The following NDST4 variants were observed in gnomAD, a reference collection of about 807,000 sequenced individuals.
The protein encoded by NDST4 is N-deacetylase and N-sulfotransferase 4.
Under a neutral mutation model 100.8 loss-of-function variants are expected in NDST4, and 63 were observed. That is an observed-to-expected ratio of 0.62 (90% CI 0.51 to 0.77). The LOEUF is 0.77. Among genes scored for constraint, NDST4 ranks in the 30% least tolerant of loss-of-function variants. The pLI is 0.00. For missense variants in NDST4, 943 were observed against 1,018.4 expected (o/e 0.93, Z 1.01); for synonymous variants, 377 against 361.8 (o/e 1.04, Z -0.48).
chr4:115,060,633 T>A (rs1318529681), intron 2 of NDST4, among the ~76,000 whole-genome samples: 2 of 151,990 alleles, frequency 1.3e-5, no homozygotes, highest in East Asian at 3.9e-4. Flanking sequence ...ATGGTCCACC[T>A]TAGGTATATG....
chr4:115,043,089 T>A (rs577002123), intron 2 of NDST4, among the ~76,000 whole-genome samples: 44 of 152,174 alleles, frequency 2.9e-4, no homozygotes, highest in African/African-American at 9.1e-4. Flanking sequence ...TGAAAAACAG[T>A]CTACTCTCAG....
Position 115,077,147 on chromosome 4 carries a change from T to C in NDST4, c.-111A>G. The C allele has an allele frequency of 9.8e-7, 1 of 1,016,352 alleles. No homozygotes were observed. The highest frequency in any genetic ancestry group is 1.4e-6 in the Non-Finnish European group (1 of 714,604). 63.0% of individuals were successfully genotyped at this position (1,016,352 alleles called of 1,614,324 possible). Reference sequence around the variant, plus strand: ...CACTTCCCCAGAGTTCATGTAACCATCGCAAATCATGTAAAATGTTTGAAG... The same window carrying C: ...CACTTCCCCAGAGTTCATGTAACCACCGCAAATCATGTAAAATGTTTGAAG... On this transcript the variant is annotated 5_prime_UTR_variant, in exon 2 of 14. An upstream start codon of the reference 5' UTR is lost. Coordinates refer to ENST00000264363, the MANE Select transcript of NDST4 (RefSeq NM_022569.3).
rs1022955116 is a variant in NDST4, at chr4:115,054,112, T to G, written c.978+21947A>C. On this transcript the variant is annotated intron_variant, in intron 2 of 13. Coordinates refer to ENST00000264363, the MANE Select transcript of NDST4 (RefSeq NM_022569.3). ...TTAAAGTTTTAAAATTTTGTAATATTTAATAATAAATATTTACAATATTTA... is the reference window on the plus strand; with the variant it reads ...TTAAAGTTTTAAAATTTTGTAATATGTAATAATAAATATTTACAATATTTA... Among the ~76,000 whole-genome samples the G allele has an allele frequency of 1.2e-4, 18 of 151,800 alleles. 1 individual carries two copies. The highest frequency in any genetic ancestry group is 1.2e-3 in the Admixed American group (18 of 15,228).
At chr4:115,003,382 A>G (rs951666745) in intron 2 of NDST4, among the ~76,000 whole-genome samples, 2 of 152,282 alleles carry the variant, frequency 1.3e-5, no homozygotes, top group Non-Finnish European at 2.9e-5. Context: ...CAAGAAATGC[A>G]TGGAAATCAA....
intron 6 of NDST4, among the ~76,000 whole-genome samples, chr4:114,930,905 G>A (rs996171074): frequency 6.6e-6 from 1 of 151,884 alleles, no homozygotes; most frequent in African/African-American, 2.4e-5. Flanking sequence ...ACACACAAAA[G>A]GGTCAAGTTC....
chr4:114,947,000 A>T (rs1725881274), intron 4 of NDST4, among the ~76,000 whole-genome samples: 2 of 152,128 alleles, frequency 1.3e-5, no homozygotes, highest in Admixed American at 6.6e-5. Context: ...CATTGAAATA[A>T]GAAACAAGAT....
At chr4:114,937,293 A>G in intron 5 of NDST4, 25 bp downstream of exon 5, 1 of 1,612,096 alleles carries the variant, frequency 6.2e-7, no homozygotes. Context: ...AACATCCTTC[A>G]ATATACATGG....
intron 2 of NDST4, among the ~76,000 whole-genome samples, chr4:115,044,249 G>A (rs1285031644): frequency 1.3e-5 from 2 of 151,942 alleles, no homozygotes; most frequent in Admixed American, 6.6e-5. Flanking sequence ...CTAAGATCTG[G>A]AATAAATTAC....
chr4:114,902,622 G>A (rs777937128), intron 6 of NDST4, among the ~76,000 whole-genome samples: 5 of 151,782 alleles, frequency 3.3e-5, no homozygotes, highest in African/African-American at 4.8e-5. Flanking sequence ...ATTAATTTGC[G>A]GAAATTATCT....
chr4:115,080,834 C>A (rs1295210822), intron 1 of NDST4, among the ~76,000 whole-genome samples: 1 of 151,946 alleles, frequency 6.6e-6, no homozygotes, highest in African/African-American at 2.4e-5. Flanking sequence ...TAAAATCAGA[C>A]CCACCCCATC....
In NDST4 at chr4:115,077,279, T is replaced by C; in HGVS notation, c.-243A>G. ...GAATTGCTGCAGAATCCTCTAAGCATAATCTGAAAGAGAGGAGAGATGTAA... is the reference window on the plus strand; with the variant it reads ...GAATTGCTGCAGAATCCTCTAAGCACAATCTGAAAGAGAGGAGAGATGTAA... On this transcript the variant is annotated 5_prime_UTR_variant, in exon 2 of 14. An upstream start codon of the reference 5' UTR is lost. Transcript: ENST00000264363. 1 of 291,592 alleles carries C rather than the reference T, an allele frequency of 3.4e-6. No homozygotes were observed. The highest frequency in any genetic ancestry group is 4.7e-5 in the Admixed American group (1 of 21,388). 18.1% of individuals were successfully genotyped at this position (291,592 alleles called of 1,614,324 possible). A position where few individuals can be genotyped will look rare whatever the true frequency, so the allele number is the denominator to read the frequency against.
chr4:114,878,796 T>A (rs528330177), intron 6 of NDST4, among the ~76,000 whole-genome samples: 1 of 152,054 alleles, frequency 6.6e-6, no homozygotes, highest in East Asian at 1.9e-4. Flanking sequence ...TTTAGAATAA[T>A]TAATATATCA....
chr4:115,086,606 T>G (rs555134602), intron 1 of NDST4, among the ~76,000 whole-genome samples: 16 of 152,176 alleles, frequency 1.1e-4, no homozygotes, highest in African/African-American at 3.8e-4. Flanking sequence ...GGTTCATAGC[T>G]CTGAGCTATC....
intron 4 of NDST4, among the ~76,000 whole-genome samples, chr4:114,970,021 T>C (rs1726474307): frequency 6.6e-6 from 1 of 152,174 alleles, no homozygotes; most frequent in African/African-American, 2.4e-5. Flanking sequence ...TGGAATGAGA[T>C]GGTATCTCAT....
At chr4:114,887,605 T>C (rs149885421) in intron 6 of NDST4, among the ~76,000 whole-genome samples, 77 of 152,322 alleles carry the variant, frequency 5.1e-4, no homozygotes, top group Non-Finnish European at 9.8e-4. Flanking sequence ...CAGACATCCA[T>C]ACAAGGATCC....
chr4:114,875,805 T>C (rs1724242924), intron 6 of NDST4, among the ~76,000 whole-genome samples: 1 of 152,174 alleles, frequency 6.6e-6, no homozygotes, highest in African/African-American at 2.4e-5. Context: ...ACTCTCCAGG[T>C]TGAGTCAGAG....
intron 2 of NDST4, among the ~76,000 whole-genome samples, chr4:114,983,709 G>A (rs1436443480): frequency 6.6e-6 from 1 of 152,188 alleles, no homozygotes; most frequent in Non-Finnish European, 1.5e-5. Flanking sequence ...AGGCATGACT[G>A]TATTTTGAAA....
intron 2 of NDST4, among the ~76,000 whole-genome samples, chr4:115,047,236 AAT>A (rs1324544729): frequency 6.6e-6 from 1 of 152,152 alleles, no homozygotes; most frequent in Non-Finnish European, 1.5e-5. Context: ...CAAAAATAAA[AAT>A]GAGTTTTATG....
chr4:115,113,565 T>C lies in NDST4; in HGVS notation c.-368A>G, dbSNP rs745608999. On this transcript the variant is annotated 5_prime_UTR_variant, in exon 1 of 14. The change abolishes an upstream ATG in the 5' untranslated region. Coordinates refer to ENST00000264363, the MANE Select transcript of NDST4 (RefSeq NM_022569.3). ...TTAATTAGAAGGAGCTTTCAGTTCA[T>C]GCAATCTGCCTCAACAATATTCCAA... is the stretch of plus-strand genomic sequence containing the variant. 6.6e-6 allele frequency: 1 copy of C among 152,032 alleles called. No homozygotes were observed. The highest frequency in any genetic ancestry group is 1.5e-5 in the Non-Finnish European group (1 of 67,972). 9.4% of individuals were successfully genotyped at this position (152,032 alleles called of 1,614,324 possible).
Sources: gnomAD v4.1 joint callset for allele counts (sites outside exome capture counted in the v4.1 genomes callset) on GRCh38, gnomAD v4.1.1 for gene constraint, MANE v1.5 for transcripts, NCBI Gene and HGNC (gene_info 2026-07-23, HGNC 2026-07-21) for gene names.